Variants in MDGA2 observed in about 807,000 individuals in gnomAD.
The protein encoded by MDGA2 is MAM domain containing glycosylphosphatidylinositol anchor 2.
Under a neutral mutation model 117.8 loss-of-function variants are expected in MDGA2, and 40 were observed. The ratio of observed to expected loss-of-function variants is 0.34; its 90% CI spans 0.26 to 0.44. The LOEUF (loss-of-function observed/expected upper bound fraction) is 0.44, where lower values mean the gene tolerates loss of function less well. Ranked by LOEUF, MDGA2 falls within the 20% of genes least tolerant of loss-of-function variation. The pLI is 1.00. For synonymous variants in MDGA2, 452 were observed against 439.0 expected (o/e 1.03, Z -0.37); for missense variants, 1,123 against 1,250.6 (o/e 0.90, Z 1.54).
intron 10 of MDGA2, among the ~76,000 whole-genome samples, chr14:46,919,126 T>C (rs184474404): frequency 9.0e-4 from 137 of 152,306 alleles, no homozygotes; most frequent in Non-Finnish European, 1.5e-3. Flanking sequence ...AATGGTTTTA[T>C]GATAGAATAG....
At chr14:47,137,540 T>C (rs1882516749) in intron 4 of MDGA2, among the ~76,000 whole-genome samples, 1 of 152,150 alleles carries the variant, frequency 6.6e-6, no homozygotes, top group African/African-American at 2.4e-5. Flanking sequence ...TCTCATCATG[T>C]GATCTCTGCA....
intron 10 of MDGA2, among the ~76,000 whole-genome samples, chr14:46,910,868 T>C (rs879813765): frequency 8.5e-5 from 13 of 152,278 alleles, no homozygotes; most frequent in African/African-American, 2.9e-4. Flanking sequence ...CTGGAGGCTA[T>C]TGTCCTCAGC....
chr14:47,306,499 ATTTATGG>A, intron 1 of MDGA2, among the ~76,000 whole-genome samples: 1 of 1,800 alleles, frequency 5.6e-4, no homozygotes. Flanking sequence ...TTATGGTTTT[ATTTATGG>A]TTTTGGTACA....
intron 14 of MDGA2, among the ~76,000 whole-genome samples, chr14:46,867,849 T>C (rs1881837282): frequency 6.6e-6 from 1 of 152,026 alleles, no homozygotes; most frequent in Non-Finnish European, 1.5e-5. Flanking sequence ...GTGACACTTT[T>C]GCTTTTCTTT....
At chr14:47,233,087 T>C (rs1375241630) in intron 2 of MDGA2, among the ~76,000 whole-genome samples, 1 of 152,182 alleles carries the variant, frequency 6.6e-6, no homozygotes, top group Admixed American at 6.5e-5. Context: ...TCAGTGTACT[T>C]ACACTTTAAT....
chr14:47,348,215 TA>T (rs201204637), intron 1 of MDGA2, among the ~76,000 whole-genome samples: 2 of 145,054 alleles, frequency 1.4e-5, no homozygotes, highest in East Asian at 2.1e-4. Context: ...GGAAAATCCT[TA>T]AATTTTTTTT....
chr14:47,356,624 T>G (rs1260921681), intron 1 of MDGA2, among the ~76,000 whole-genome samples: 1 of 152,158 alleles, frequency 6.6e-6, no homozygotes, highest in African/African-American at 2.4e-5. Context: ...TATCTCAGCA[T>G]AAAGGGGCCC....
At chr14:46,875,995 C>T (rs970381015) in intron 12 of MDGA2, among the ~76,000 whole-genome samples, 14 of 150,970 alleles carry the variant, frequency 9.3e-5, no homozygotes, top group African/African-American at 3.4e-4. Context: ...TTTTTGAGAC[C>T]TAAATATTTA....
At chr14:47,323,429 T>G (rs557964017) in intron 1 of MDGA2, among the ~76,000 whole-genome samples, 1 of 151,676 alleles carries the variant, frequency 6.6e-6, no homozygotes, top group African/African-American at 2.4e-5. Flanking sequence ...AGTTCGAGAC[T>G]AGCCTGGCCA....
chr14:47,024,588 AT>A (rs879869449), intron 8 of MDGA2, among the ~76,000 whole-genome samples: 4 of 152,360 alleles, frequency 2.6e-5, no homozygotes, highest in Admixed American at 2.6e-4. Context: ...CTCAAGTTAA[AT>A]AATAATCTTT....
chr14:47,138,515 C>T (rs1195702684), intron 4 of MDGA2, among the ~76,000 whole-genome samples: 1 of 151,836 alleles, frequency 6.6e-6, no homozygotes, highest in East Asian at 1.9e-4. Context: ...TAAACAATTA[C>T]AAAATTATCT....
chr14:47,096,798 C>T, intron 6 of MDGA2, 56 bp downstream of exon 6: 1 of 1,567,810 alleles, frequency 6.4e-7, no homozygotes, highest in Non-Finnish European at 8.7e-7. Flanking sequence ...CCATTATTTG[C>T]TTTTTGAGAG....
chr14:47,078,245 T>G (rs909615882), intron 6 of MDGA2, among the ~76,000 whole-genome samples: 8 of 152,122 alleles, frequency 5.3e-5, no homozygotes, highest in African/African-American at 1.9e-4. Flanking sequence ...GATTCATCCT[T>G]CAGAATGAGA....
chr14:47,609,428 CATATATATAT>C lies in MDGA2; in HGVS notation c.280+65079_280+65088del, dbSNP rs3040345. ...TTTCTATGGCTGAGTAGTATTCCAT[CATATATATAT>C]ATATATATATATATATATATATATA... On this transcript the variant is annotated intron_variant, in intron 1 of 16. Transcript: ENST00000399232. Among the ~76,000 whole-genome samples, 104 of 17,562 alleles carry C rather than the reference CATATATATAT, an allele frequency of 5.9e-3. 6 individuals carry two copies. The highest frequency in any genetic ancestry group is 0.015 in the South Asian group (4 of 264). The allele number at this position is 17,562 out of a possible 152,430, so 11.5% of individuals were successfully genotyped here. A position where few individuals can be genotyped will look rare whatever the true frequency, so the allele number is the denominator to read the frequency against.
At chr14:47,630,689 G>T (rs1374178170) in intron 1 of MDGA2, among the ~76,000 whole-genome samples, 1 of 152,148 alleles carries the variant, frequency 6.6e-6, no homozygotes, top group African/African-American at 2.4e-5. Context: ...TAGTACAAAA[G>T]GAAGTAAGGA....
intron 8 of MDGA2, among the ~76,000 whole-genome samples, chr14:46,960,949 T>TACACAC (rs57182570): frequency 1.2e-4 from 18 of 147,848 alleles, no homozygotes; most frequent in African/African-American, 3.7e-4. Context: ...TATATATATA[T>TACACAC]ACACACACAC....
intron 1 of MDGA2, among the ~76,000 whole-genome samples, chr14:47,407,058 T>C (rs1440242611): frequency 6.6e-6 from 1 of 152,050 alleles, no homozygotes; most frequent in Non-Finnish European, 1.5e-5. Flanking sequence ...ATCAAAACAT[T>C]ATGTAGGTTG....
chr14:47,517,569 A>G (rs941980851), intron 1 of MDGA2, among the ~76,000 whole-genome samples: 15 of 152,226 alleles, frequency 9.9e-5, no homozygotes, highest in Non-Finnish European at 2.2e-4. Flanking sequence ...ATGATGTTAA[A>G]TGACTCAGTA....
At chr14:47,333,723 A>G (rs1416785795) in intron 1 of MDGA2, among the ~76,000 whole-genome samples, 1 of 146,710 alleles carries the variant, frequency 6.8e-6, no homozygotes, top group East Asian at 1.9e-4. Context: ...CAAATTTAAT[A>G]AGTCATCATT....
Sources: allele counts gnomAD v4.1 joint callset (sites outside exome capture counted in the v4.1 genomes callset), GRCh38; gene constraint gnomAD v4.1.1; transcripts MANE v1.5; gene names NCBI Gene and HGNC (gene_info 2026-07-23, HGNC 2026-07-21).